SCHIP1: variants seen among roughly 807,000 people sequenced by gnomAD.
The protein encoded by SCHIP1 is schwannomin interacting protein 1, also known as schwannomin-interacting protein 1.
A neutral mutation model predicts 29.7 loss-of-function variants in SCHIP1; 8 were observed. That is an observed-to-expected ratio of 0.27 (90% CI 0.16 to 0.49). The LOEUF (loss-of-function observed/expected upper bound fraction) is 0.49, where lower values mean the gene tolerates loss of function less well. SCHIP1 is among the 20% of genes least tolerant of loss of function. The pLI is 0.99. For synonymous variants in SCHIP1, 76 were observed against 94.9 expected (o/e 0.80, Z 1.16); for missense variants, 193 against 294.6 (o/e 0.66, Z 2.52).
the SCHIP1 span, among the ~76,000 whole-genome samples, chr3:159,331,070 G>A: frequency 6.6e-6 from 1 of 152,164 alleles, no homozygotes; most frequent in South Asian, 2.1e-4. Flanking sequence ...TTGAGACAAG[G>A]GTTTGAGTGC....
At chr3:159,750,261 G>GTATATATATATATA in the SCHIP1 span, among the ~76,000 whole-genome samples, 11 of 11,798 alleles carry the variant, frequency 9.3e-4, no homozygotes, top group African/African-American at 1.7e-3. Flanking sequence ...GTATGTGTGT[G>GTATATATATATATA]TGTATATATA....
the SCHIP1 span, among the ~76,000 whole-genome samples, chr3:159,828,065 G>C: frequency 6.6e-6 from 1 of 150,978 alleles, no homozygotes; most frequent in African/African-American, 2.4e-5. Flanking sequence ...ATATATTATT[G>C]TTATATTGTA....
chr3:159,711,774 AG>A, the SCHIP1 span, among the ~76,000 whole-genome samples: 1 of 152,230 alleles, frequency 6.6e-6, no homozygotes, highest in Non-Finnish European at 1.5e-5. Flanking sequence ...ACAGGGAATT[AG>A]GTGCTTACTA....
the SCHIP1 span, among the ~76,000 whole-genome samples, chr3:159,669,925 C>A: frequency 6.6e-6 from 1 of 152,170 alleles, no homozygotes; most frequent in Admixed American, 6.5e-5. Context: ...GGGCCTGAGC[C>A]TGTCGTCAGG....
At chr3:159,747,113 T>A in the SCHIP1 span, among the ~76,000 whole-genome samples, 1 of 152,202 alleles carries the variant, frequency 6.6e-6, no homozygotes, top group African/African-American at 2.4e-5. Context: ...ACCTGGCACA[T>A]AGTAGATATT....
chr3:159,296,280 G>T, the SCHIP1 span, among the ~76,000 whole-genome samples: 1 of 152,056 alleles, frequency 6.6e-6, no homozygotes, highest in African/African-American at 2.4e-5. Flanking sequence ...AAGTACCCCA[G>T]AACCTATAGA....
At chr3:159,337,296 A>C in the SCHIP1 span, among the ~76,000 whole-genome samples, 1 of 152,178 alleles carries the variant, frequency 6.6e-6, no homozygotes, top group Non-Finnish European at 1.5e-5. Context: ...CAAGACAGGG[A>C]TGCCCTCTCT....
chr3:159,539,569 T>G, the SCHIP1 span, among the ~76,000 whole-genome samples: 1 of 135,260 alleles, frequency 7.4e-6, no homozygotes, highest in East Asian at 2.5e-4. Flanking sequence ...TCATGAATCT[T>G]CACCACAATG....
the SCHIP1 span, among the ~76,000 whole-genome samples, chr3:159,790,055 G>GC: frequency 2.0e-5 from 3 of 152,236 alleles, no homozygotes; most frequent in South Asian, 4.2e-4. Context: ...CCTGCCCAAG[G>GC]CCCCCCTCTA....
At chr3:159,524,159 A>C in the SCHIP1 span, among the ~76,000 whole-genome samples, 2 of 152,360 alleles carry the variant, frequency 1.3e-5, no homozygotes, top group East Asian at 3.9e-4. Flanking sequence ...ACTATGCACC[A>C]CGTAGAAATG....
chr3:159,506,874 G>T, the SCHIP1 span, among the ~76,000 whole-genome samples: 1 of 152,130 alleles, frequency 6.6e-6, no homozygotes, highest in East Asian at 1.9e-4. Flanking sequence ...CTGTAGCCTT[G>T]TAACATAGTT....
At chr3:159,557,388 T>G in the SCHIP1 span, among the ~76,000 whole-genome samples, 2 of 152,234 alleles carry the variant, frequency 1.3e-5, no homozygotes, top group African/African-American at 4.8e-5. Flanking sequence ...TTTTCATTCT[T>G]CTAAGAAATG....
At chr3:159,349,211 T>A in the SCHIP1 span, among the ~76,000 whole-genome samples, 3 of 151,408 alleles carry the variant, frequency 2.0e-5, no homozygotes, top group Non-Finnish European at 3.0e-5. Context: ...GCTCATTGAT[T>A]TTTTTACCAG....
the SCHIP1 span, among the ~76,000 whole-genome samples, chr3:159,411,368 T>C: frequency 1.3e-5 from 2 of 152,158 alleles, no homozygotes; most frequent in Non-Finnish European, 2.9e-5. Flanking sequence ...ATGCATTGTA[T>C]GCCTGTAACA....
chr3:159,579,560 T>C, the SCHIP1 span, among the ~76,000 whole-genome samples: 1 of 152,182 alleles, frequency 6.6e-6, no homozygotes, highest in Admixed American at 6.5e-5. Flanking sequence ...CAATGGCAGA[T>C]GGCCCAGATA....
At chr3:159,599,555 T>C in the SCHIP1 span, among the ~76,000 whole-genome samples, 1 of 152,336 alleles carries the variant, frequency 6.6e-6, no homozygotes, top group African/African-American at 2.4e-5. Context: ...TCCAATTCCA[T>C]GTACGTTGCT....
chr3:159,734,135 C>CTTT, the SCHIP1 span, among the ~76,000 whole-genome samples: 524 of 100,850 alleles, frequency 5.2e-3, no homozygotes, highest in Non-Finnish European at 6.3e-3. Flanking sequence ...TTATTGTTTA[C>CTTT]TTTTTTTTTT....
chr3:159,727,067 C>A, the SCHIP1 span, among the ~76,000 whole-genome samples: 3 of 152,152 alleles, frequency 2.0e-5, no homozygotes, highest in Admixed American at 2.0e-4. Context: ...GAACTAATGT[C>A]ATTAAAGCCA....
chr3:159,816,125 T>A, the SCHIP1 span, among the ~76,000 whole-genome samples: 1 of 152,024 alleles, frequency 6.6e-6, no homozygotes, highest in Non-Finnish European at 1.5e-5. Context: ...ATTTTTGTAC[T>A]TTTAGTAGAG....
Sources: gnomAD v4.1 joint callset for allele counts (sites outside exome capture counted in the v4.1 genomes callset) on GRCh38, gnomAD v4.1.1 for gene constraint, MANE v1.5 for transcripts, NCBI Gene and HGNC (gene_info 2026-07-23, HGNC 2026-07-21) for gene names.